Variants in ABCC10 observed in about 807,000 individuals in gnomAD.
ABCC10 encodes ATP binding cassette subfamily C member 10, also known as ATP-binding cassette sub-family C member 10.
Under a neutral mutation model 143.2 loss-of-function variants are expected in ABCC10, and 110 were observed. That is an observed-to-expected ratio of 0.77 (90% CI 0.66 to 0.90). The LOEUF is 0.90. ABCC10 is among the 40% of genes least tolerant of loss of function. The probability of loss-of-function intolerance (pLI) is 0.00; values close to 1 mark genes in which losing one functional copy is unlikely to be tolerated. For synonymous variants in ABCC10, 805 were observed against 846.7 expected, an observed-to-expected ratio of 0.95 and a Z score of 0.85; for missense variants, 1,700 against 1,900.5, an observed-to-expected ratio of 0.89 and a Z score of 1.96.
chr6:43,433,994 C>G lies in ABCC10; in HGVS notation c.1381-627C>G, dbSNP rs189978325. The stretch of plus-strand genomic sequence containing the variant: ...GGTTCATACAGCATAGTTGTCGACC[C>G]TTAGTGGAACAGCTCAGAGTGCTCC... On this transcript the variant is annotated intron_variant, in intron 3 of 21. Transcript: ENST00000372530. Among the ~76,000 whole-genome samples, 56 of 152,344 alleles carry G rather than the reference C, an allele frequency of 3.7e-4. No homozygotes were observed. In the East Asian group the frequency reaches 8.9e-3, roughly 24 times the overall value.
chr6:43,449,162 G>A lies in ABCC10; in HGVS notation c.4161G>A (p.Arg1387=), dbSNP rs139787944. 1.5e-5 allele frequency: 25 copies of A among 1,614,074 alleles called. No individual in the cohort carries two copies. The highest frequency in any genetic ancestry group is 1.9e-5 in the Non-Finnish European group (23 of 1,180,022). ...GCCGGAGCTTATCTCTTGGGCAGAG[G>A]CAGCTGTTGTGTTTGGCCAGGGCTC... ...EGGRSLSLGQ[R]QLLCLARALL... Residue 1387 remains arginine (R), a synonymous_variant, in exon 20 of 22, where the codon AGG becomes AGA. Coordinates refer to ENST00000372530, the MANE Select transcript of ABCC10 (RefSeq NM_001198934.2).
chr6:43,436,384 G>A (rs1781726894), intron 6 of ABCC10, 137 bp downstream of exon 6: 1 of 1,082,454 alleles, frequency 9.2e-7, no homozygotes, highest in South Asian at 1.6e-5. Flanking sequence ...TAGGCATTTG[G>A]TGAGCAGGTT....
At chr6:43,451,410 A>G, downstream of ABCC10, 1 of 1,162,184 alleles carries the variant, frequency 8.6e-7, no homozygotes, top group Non-Finnish European at 1.2e-6. The surrounding 1 kb of genome is among the most constrained non-coding windows in gnomAD (Gnocchi z 4.4). Flanking sequence ...CATTTTAAAA[A>G]TGAGAATAAA....
chr6:43,444,108 TC>T, intron 11 of ABCC10, 50 bp from the exon 12 acceptor site: 1 of 1,611,090 alleles, frequency 6.2e-7, no homozygotes, highest in East Asian at 2.2e-5. Context: ...TACTGAGTTT[TC>T]AGCTGGCACC....
At chr6:43,438,853 T>G in intron 8 of ABCC10, 58 bp downstream of exon 8, 1 of 1,582,592 alleles carries the variant, frequency 6.3e-7, no homozygotes, top group Admixed American at 1.8e-5. Context: ...CCCTGACACC[T>G]CAAACCAGGA....
intron 8 of ABCC10, 77 bp from the exon 9 acceptor site, chr6:43,441,785 A>G (rs1173402414): frequency 6.6e-6 from 8 of 1,219,214 alleles, no homozygotes; most frequent in South Asian, 4.1e-5. Context: ...GACTCCCACT[A>G]TCTCCTGCAA....
At position 43,444,294 on chromosome 6, in the gene ABCC10, G is replaced by A; in HGVS notation, c.2630G>A (p.Trp877Ter). 1.2e-6 allele frequency: 2 copies of A among 1,614,046 alleles called. No individual in the cohort carries two copies. Among genetic ancestry groups the A allele is most frequent in the Non-Finnish European group, 1.7e-6 (2 of 1,179,996 alleles). Reference sequence around the variant, plus strand: ...GCCTTGCACGTGTACCAAGCTTACTGGAAGGCCGTGGGCCAGGGCTTGGCC... The same window carrying A: ...GCCTTGCACGTGTACCAAGCTTACTAGAAGGCCGTGGGCCAGGGCTTGGCC... The part of the protein sequence containing the change: ...AVALHVYQAY[W>*]KAVGQGLALA... The change falls in exon 12 of 22, where the codon TGG (tryptophan) becomes TAG (stop). Residue 877 changes from tryptophan to a stop codon, truncating the protein, a stop_gained. Coordinates refer to ENST00000372530, the MANE Select transcript of ABCC10 (RefSeq NM_001198934.2). LOFTEE classifies it high-confidence loss of function.
intron 17 of ABCC10, 134 bp downstream of exon 17, chr6:43,447,542 C>T (rs1414113516): frequency 1.9e-6 from 3 of 1,551,080 alleles, no homozygotes; most frequent in Non-Finnish European, 8.7e-7. Flanking sequence ...CACAATTCTT[C>T]ACCATGTCCC....
chr6:43,448,766 G>T, intron 18 of ABCC10, 115 bp from the exon 19 acceptor site: 2 of 1,331,082 alleles, frequency 1.5e-6, no homozygotes, highest in Admixed American at 2.4e-5. Context: ...GTGGGGTTAT[G>T]TTCAGGTCTC....
At chr6:43,444,689 G>A in intron 12 of ABCC10, 99 bp from the exon 13 acceptor site, 1 of 1,483,898 alleles carries the variant, frequency 6.7e-7, no homozygotes. Flanking sequence ...GATGGAGATG[G>A]GCAGGAACCA....
chr6:43,438,153 T>C, intron 7 of ABCC10, 140 bp downstream of exon 7: 1 of 1,063,248 alleles, frequency 9.4e-7, no homozygotes, highest in Non-Finnish European at 1.4e-6. Flanking sequence ...GAGTTTTCAA[T>C]CTGGAAAGAA....
rs17287914 is a variant in ABCC10 at position 43,427,658 on chromosome 6, G to T, written c.-111G>T. On this transcript the variant is annotated 5_prime_UTR_variant, in exon 1 of 22. Coordinates refer to ENST00000372530, the MANE Select transcript of ABCC10 (RefSeq NM_001198934.2). The stretch of plus-strand genomic sequence containing the variant: ...ACTTTTTTTTTTTTTGCATACACCA[G>T]TTCTCAGGATATCGGAATCCGGTGC... 1 of 453,722 alleles carries T rather than the reference G, an allele frequency of 2.2e-6. No individual in the cohort carries two copies. The allele number at this position is 453,722 out of a possible 1,614,324, so 28.1% of individuals were successfully genotyped here.
At position 43,434,705 on chromosome 6, in the gene ABCC10, C is replaced by T. The variant is rs1472560845; in HGVS notation, c.1465C>T (p.Arg489Trp). The change falls in exon 4 of 22, where the codon CGG becomes TGG. Residue 489 changes from arginine (R) to tryptophan (W), a missense_variant. Arg to Trp is a moderately radical substitution (Grantham distance 101). Coordinates refer to ENST00000372530, the MANE Select transcript of ABCC10 (RefSeq NM_001198934.2). The stretch of plus-strand genomic sequence containing the variant: ...ACTGGGAGCCCGAGTAGAGGCCTGC[C>T]GGGCTCGAGAGCTGGGGCGACTCCG... ...QALGARVEAC[R>W]ARELGRLRVI... The T allele has an allele frequency of 6.8e-6, 11 of 1,614,018 alleles. No individual in the cohort carries two copies. Among genetic ancestry groups the T allele is most frequent in the African/African-American group, 4.0e-5 (3 of 74,900 alleles).
intron 2 of ABCC10, chr6:43,431,674 A>T (rs542823407): frequency 4.9e-4 from 241 of 489,148 alleles, no homozygotes; most frequent in South Asian, 2.1e-3. Context: ...GATTTTTTTT[A>T]AAATTTTAGA....
rs1781540602 is a variant in ABCC10, at chr6:43,435,033, A to G, written c.1608+185A>G. ...GGATATATAACCCTCCCCTCTGTGA[A>G]GGAGTTCCTTTCTTTCCTCTCCTCT... On this transcript the variant is annotated intron_variant, in intron 4 of 21. Transcript: ENST00000372530. 1.3e-5 allele frequency: 8 copies of G among 614,708 alleles called. No individual in the cohort carries two copies. The South Asian group carries it at 1.6e-4, about 13-fold the overall frequency. The allele number at this position is 614,708 out of a possible 1,614,324, so 38.1% of individuals were successfully genotyped here.
chr6:43,442,214 G>A (rs1054411663), intron 9 of ABCC10, among the ~76,000 whole-genome samples: 1 of 152,182 alleles, frequency 6.6e-6, no homozygotes, highest in African/African-American at 2.4e-5. Flanking sequence ...GGAGGCCAAG[G>A]CAGGAGGATT....
Position 43,436,180 on chromosome 6 carries a change from C to T in ABCC10, c.1808C>T (p.Ala603Val), listed in dbSNP as rs542592234. Residue 603 changes from alanine (A) to valine (V), a missense_variant, in exon 6 of 22, where the codon GCC becomes GTC. Transcript: ENST00000372530. ...TCTACAGTATTGGAGCTGCATGGAG[C>T]CTTGTTCTCCTGGGACCCAGTTGGA... ...EPSTVLELHGALFSWDPVGTS... is the reference protein window; with the variant it reads ...EPSTVLELHGVLFSWDPVGTS... 1 of 1,614,160 alleles carries T rather than the reference C, an allele frequency of 6.2e-7. No individual in the cohort carries two copies. Among genetic ancestry groups the T allele is most frequent in the African/African-American group, 1.3e-5 (1 of 75,046 alleles).
intron 21 of ABCC10, 139 bp downstream of exon 21, chr6:43,449,673 C>T (rs759550533): frequency 2.0e-5 from 16 of 799,090 alleles, no homozygotes; most frequent in Admixed American, 1.1e-4. Flanking sequence ...TCTCCAGGGA[C>T]GAGAAGGGTC....
intron 5 of ABCC10, 85 bp downstream of exon 5, chr6:43,435,992 G>C: frequency 6.3e-7 from 1 of 1,596,426 alleles, no homozygotes; most frequent in African/African-American, 1.3e-5. Context: ...ATGTCACCAA[G>C]AGGGCTTAGA....
Sources: gnomAD v4.1 joint callset for allele counts (sites outside exome capture counted in the v4.1 genomes callset) on GRCh38, gnomAD v4.1.1 for gene constraint, Gnocchi (gnomAD v3.1) non-coding constraint, MANE v1.5 for transcripts, NCBI Gene and HGNC (gene_info 2026-07-23, HGNC 2026-07-21) for gene names.